Variants in SYT13 observed in about 807,000 individuals in gnomAD.
SYT13 encodes synaptotagmin-13.
SYT13 carries 21 observed loss-of-function variants against 38.6 expected under a neutral mutation model. That is an observed-to-expected ratio of 0.54 (90% CI 0.39 to 0.78). The LOEUF is 0.78. Among genes scored for constraint, SYT13 ranks in the 30% least tolerant of loss-of-function variants. SYT13 has a pLI of 0.00. For missense variants in SYT13, 495 were observed against 548.7 expected, an observed-to-expected ratio of 0.90 and a Z score of 0.98; for synonymous variants, 241 against 237.6, an observed-to-expected ratio of 1.01 and a Z score of -0.13.
At chr11:45,267,008 C>G (rs1004088742) in intron 1 of SYT13, among the ~76,000 whole-genome samples, 2 of 152,254 alleles carry the variant, frequency 1.3e-5, no homozygotes, top group Admixed American at 1.3e-4. Context: ...CCTCTTCCAC[C>G]TTGTGGCCTT....
At chr11:45,278,082 T>C (rs10501312) in intron 1 of SYT13, among the ~76,000 whole-genome samples, 2,022 of 152,288 alleles carry the variant, frequency 0.013, 43 homozygotes, top group African/African-American at 0.046. Flanking sequence ...TATAACTCTA[T>C]TAGTTCCATT....
At chr11:45,245,545 G>C (rs1002545141) in intron 5 of SYT13, among the ~76,000 whole-genome samples, 9 of 152,208 alleles carry the variant, frequency 5.9e-5, no homozygotes, top group Non-Finnish European at 1.2e-4. Context: ...TCGAAATTCA[G>C]AATGCAGTGG....
rs562357930 is a variant in SYT13 at position 45,240,503 on chromosome 11, C to T, written c.*3549G>A. 12 of 152,650 alleles carry T rather than the reference C, an allele frequency of 7.9e-5. No individual in the cohort carries two copies. Among genetic ancestry groups the T allele is most frequent in the African/African-American group, 2.4e-4 (10 of 41,558 alleles). The allele number at this position is 152,650 out of a possible 1,614,324, so 9.5% of individuals were successfully genotyped here. ...TGGTTTAGGTTACAGCCACATTTTA[C>T]CCAGGACTCCTTTACATCCAAGAGA... On this transcript the variant is annotated 3_prime_UTR_variant, in exon 6 of 6. Coordinates refer to ENST00000020926, the MANE Select transcript of SYT13 (RefSeq NM_020826.3).
intron 4 of SYT13, among the ~76,000 whole-genome samples, chr11:45,249,026 T>G (rs1854644470): frequency 6.6e-6 from 1 of 151,484 alleles, no homozygotes; most frequent in African/African-American, 2.4e-5. Context: ...ATATCCAGAA[T>G]CTACAAAGAA....
Position 45,252,566 on chromosome 11 carries a change from A to C in SYT13, c.701T>G (p.Leu234Arg). 1.9e-6 allele frequency: 3 copies of C among 1,613,900 alleles called. No individual in the cohort carries two copies. Among genetic ancestry groups the C allele is most frequent in the Non-Finnish European group, 2.5e-6 (3 of 1,179,980 alleles). The change falls in exon 4 of 6, where the codon CTC becomes CGC. Residue 234 changes from leucine to arginine, a missense_variant. Transcript: ENST00000020926. This position sits in a 1 kb window ranked among gnomAD's most constrained non-coding sequence, Gnocchi z 4.3. ...GLVLPLAEEE[L>R]PTATLTLTLR... The stretch of plus-strand genomic sequence containing the variant: ...GGTCAGCGTCAGGGTGGCTGTGGGG[A>C]GCTCCTCCTCCGCCAGGGGGAGCAC...
At chr11:45,269,200 CTG>C (rs1467691597) in intron 1 of SYT13, among the ~76,000 whole-genome samples, 2 of 152,162 alleles carry the variant, frequency 1.3e-5, no homozygotes, top group Non-Finnish European at 2.9e-5. Context: ...AAAGTTTGCA[CTG>C]TGTCCAGAGT....
At chr11:45,271,202 C>A (rs975142405) in intron 1 of SYT13, among the ~76,000 whole-genome samples, 2 of 152,146 alleles carry the variant, frequency 1.3e-5, no homozygotes, top group Non-Finnish European at 1.5e-5. Context: ...AGCTACTATC[C>A]ATTAATAGGA....
In SYT13 at chr11:45,247,537, G is replaced by C. The variant is rs117366568; in HGVS notation, c.847-1025C>G. On this transcript the variant is annotated intron_variant, in intron 4 of 5. Coordinates refer to ENST00000020926, the MANE Select transcript of SYT13 (RefSeq NM_020826.3). ...CCAGCTTTGTCCCTCTTTCCCAGCT[G>C]TGCAATGAGGGTAATTCAATGAGGT... is the stretch of plus-strand genomic sequence containing the variant. 7.6e-3 allele frequency among the ~76,000 whole-genome samples: 1,154 copies of C among 152,266 alleles called. 7 individuals carry two copies. Among genetic ancestry groups the C allele is most frequent in the Middle Eastern group, 0.024 (7 of 294 alleles).
intron 1 of SYT13, among the ~76,000 whole-genome samples, chr11:45,271,745 GGAGACACA>G (rs1477685806): frequency 2.6e-5 from 4 of 152,186 alleles, no homozygotes; most frequent in Non-Finnish European, 5.9e-5. Flanking sequence ...AAACCAACCT[GGAGACACA>G]GAGACACAGT....
Position 45,242,932 on chromosome 11 carries a change from C to T in SYT13, c.*1120G>A, listed in dbSNP as rs982866269. 6.6e-6 allele frequency: 1 copy of T among 152,200 alleles called. No individual in the cohort carries two copies. Among genetic ancestry groups the T allele is most frequent in the African/African-American group, 2.4e-5 (1 of 41,454 alleles). The allele number at this position is 152,200 out of a possible 1,614,324, so 9.4% of individuals were successfully genotyped here. On this transcript the variant is annotated 3_prime_UTR_variant, in exon 6 of 6. Transcript: ENST00000020926. Reference sequence around the variant, plus strand: ...TCAAGTGAAAACAGACAGAGGGAGGCACAGTTGCAAAAGACCTGATTTCCT... The same window carrying T: ...TCAAGTGAAAACAGACAGAGGGAGGTACAGTTGCAAAAGACCTGATTTCCT...
chr11:45,244,087 G>A lies in SYT13; in HGVS notation c.1246C>T (p.Arg416Trp), dbSNP rs754503239. The change falls in exon 6 of 6, where the codon CGG (arginine) becomes TGG (tryptophan). Residue 416 changes from arginine to tryptophan, a missense_variant. Arg to Trp is a moderately radical substitution (Grantham distance 101). Transcript: ENST00000020926. ...AGCTGGTGCCACATGGCAATCTGCC[G>A]GCGAGGGTTTTTGAGCATCTCCTCC... Reference protein sequence around the residue: ...HWEEMLKNPRRQIAMWHQLHL With the variant: ...HWEEMLKNPRWQIAMWHQLHL 7 of 1,608,748 alleles carry A rather than the reference G, an allele frequency of 4.4e-6. No homozygotes were observed. Among genetic ancestry groups the A allele is most frequent in the African/African-American group, 4.0e-5 (3 of 75,022 alleles).
chr11:45,282,455 A>T (rs1264001071), intron 1 of SYT13, among the ~76,000 whole-genome samples: 1 of 152,232 alleles, frequency 6.6e-6, no homozygotes, highest in African/African-American at 2.4e-5. Flanking sequence ...ATTGTTGGAA[A>T]AAGCAGAAAA....
intron 1 of SYT13, among the ~76,000 whole-genome samples, chr11:45,281,166 A>G (rs1855066523): frequency 6.6e-6 from 1 of 151,838 alleles, no homozygotes; most frequent in Admixed American, 6.6e-5. Flanking sequence ...ATTGCACTCC[A>G]TTCTGGATGA....
At chr11:45,262,196 C>A (rs759599902) in intron 1 of SYT13, among the ~76,000 whole-genome samples, 8 of 152,154 alleles carry the variant, frequency 5.3e-5, no homozygotes, top group Non-Finnish European at 4.4e-5. Flanking sequence ...GGACATGATG[C>A]CAAGTGAAAT....
intron 1 of SYT13, among the ~76,000 whole-genome samples, chr11:45,261,734 G>T (rs1359321993): frequency 2.6e-5 from 4 of 151,940 alleles, no homozygotes. Context: ...TGGCCAACAT[G>T]GCAAAACCCC....
At chr11:45,282,947 A>G (rs1167136342) in intron 1 of SYT13, among the ~76,000 whole-genome samples, 2 of 152,168 alleles carry the variant, frequency 1.3e-5, no homozygotes, top group African/African-American at 4.8e-5. Flanking sequence ...CAGGAGTTTG[A>G]GACCAGCCTA....
chr11:45,256,595 A>G (rs1015163713), intron 1 of SYT13, among the ~76,000 whole-genome samples: 9 of 150,904 alleles, frequency 6.0e-5, no homozygotes, highest in Admixed American at 4.6e-4. Flanking sequence ...ACCACATCCC[A>G]CTCTTTGCTT....
In SYT13 at chr11:45,254,343, G is replaced by A. The variant is rs200041110; in HGVS notation, c.471C>T (p.Asn157=). The change falls in exon 3 of 6, where the codon AAC becomes AAT. Residue 157 remains asparagine, a synonymous_variant. Coordinates refer to ENST00000020926, the MANE Select transcript of SYT13 (RefSeq NM_020826.3). ...GGCAGTAGTGGAGTTTGGGGGCCTG[G>A]TTCCAACTGGCAGCCTTCTCTGGGT... The part of the protein sequence containing the change: ...TWNPEKAASW[N]QAPKLHYCLD... 1.8e-3 allele frequency: 2,856 copies of A among 1,613,780 alleles called. 55 individuals are homozygous for A. The South Asian group carries it at 0.029, about 16-fold the overall frequency.
Position 45,252,299 on chromosome 11 carries a change from C to T in SYT13, c.846+122G>A. On this transcript the variant is annotated intron_variant, in intron 4 of 5. Coordinates refer to ENST00000020926, the MANE Select transcript of SYT13 (RefSeq NM_020826.3). This position sits in a 1 kb window ranked among gnomAD's most constrained non-coding sequence, Gnocchi z 4.3. ...TTCAAGATTCCAACCTCCCTTCCAGCCCCAAGCCAGGGAGGTCTCTGAGGC... is the reference window on the plus strand; with the variant it reads ...TTCAAGATTCCAACCTCCCTTCCAGTCCCAAGCCAGGGAGGTCTCTGAGGC... 8.2e-7 allele frequency: 1 copy of T among 1,213,176 alleles called. No individual in the cohort carries two copies. Among genetic ancestry groups the T allele is most frequent in the Non-Finnish European group, 1.1e-6 (1 of 881,262 alleles). The allele number at this position is 1,213,176 out of a possible 1,614,324, so 75.2% of individuals were successfully genotyped here.
Sources: allele counts gnomAD v4.1 joint callset (sites outside exome capture counted in the v4.1 genomes callset), GRCh38; gene constraint gnomAD v4.1.1; non-coding constraint Gnocchi (gnomAD v3.1); transcripts MANE v1.5; gene names NCBI Gene and HGNC (gene_info 2026-07-23, HGNC 2026-07-21).